NCAM2: variants seen among roughly 807,000 people sequenced by gnomAD.
NCAM2 encodes the protein neural cell adhesion molecule 2.
In NCAM2, 30 loss-of-function variants were observed where a neutral mutation model predicts 98.1. That is an observed-to-expected ratio of 0.31 (90% CI 0.23 to 0.41). The LOEUF (loss-of-function observed/expected upper bound fraction) is 0.41, where lower values mean the gene tolerates loss of function less well. Ranked by LOEUF, NCAM2 falls within the 10% of genes least tolerant of loss-of-function variation. The probability of loss-of-function intolerance (pLI) is 1.00; values close to 1 mark genes in which losing one functional copy is unlikely to be tolerated. For missense variants in NCAM2, 867 were observed against 1,005.8 expected, an observed-to-expected ratio of 0.86 and a Z score of 1.87; for synonymous variants, 368 against 342.4, an observed-to-expected ratio of 1.07 and a Z score of -0.83.
At chr21:21,193,007 A>T (rs930018368) in intron 1 of NCAM2, among the ~76,000 whole-genome samples, 33 of 152,212 alleles carry the variant, frequency 2.2e-4, no homozygotes, top group Non-Finnish European at 1.5e-5. Context: ...ATCATGGGCT[A>T]TATCCTTTTC....
intron 16 of NCAM2, among the ~76,000 whole-genome samples, chr21:21,519,884 T>A (rs1244113473): frequency 6.6e-6 from 1 of 152,124 alleles, no homozygotes; most frequent in Non-Finnish European, 1.5e-5. Flanking sequence ...CTTATGACTA[T>A]GATGATTTAT....
chr21:21,361,138 AAC>A (rs2075634059), intron 8 of NCAM2, among the ~76,000 whole-genome samples: 1 of 152,082 alleles, frequency 6.6e-6, no homozygotes, highest in Non-Finnish European at 1.5e-5. Context: ...CATCCACTCT[AAC>A]ATCAGTCCAG....
intron 1 of NCAM2, among the ~76,000 whole-genome samples, chr21:21,270,524 C>T (rs1878553697): frequency 6.6e-6 from 1 of 152,166 alleles, no homozygotes; most frequent in Admixed American, 6.5e-5. Context: ...TTTACTTTTA[C>T]TAATAAACTA....
chr21:21,170,838 G>T (rs979084309), intron 1 of NCAM2, among the ~76,000 whole-genome samples: 5 of 152,110 alleles, frequency 3.3e-5, no homozygotes, highest in African/African-American at 4.8e-5. Context: ...TCCTAGAGGG[G>T]GGAAGGCTGT....
At chr21:21,494,238 T>C (rs1273383735) in intron 15 of NCAM2, among the ~76,000 whole-genome samples, 1 of 151,924 alleles carries the variant, frequency 6.6e-6, no homozygotes, top group African/African-American at 2.4e-5. Context: ...CGAAAACAAA[T>C]TATAAAATAT....
At chr21:21,387,585 A>G (rs982716789) in intron 9 of NCAM2, among the ~76,000 whole-genome samples, 1 of 152,142 alleles carries the variant, frequency 6.6e-6, no homozygotes, top group Non-Finnish European at 1.5e-5. Context: ...CACTGTTCAT[A>G]TGGATCTAAT....
At chr21:21,082,225 T>TTAAAAAA (rs1555882202) in intron 1 of NCAM2, among the ~76,000 whole-genome samples, 10 of 82,910 alleles carry the variant, frequency 1.2e-4, no homozygotes, top group African/African-American at 4.4e-4. Context: ...GAGAATCCTT[T>TTAAAAAA]AAAAAAAAAA....
chr21:21,392,067 C>G (rs2076393568), intron 9 of NCAM2, among the ~76,000 whole-genome samples: 1 of 152,022 alleles, frequency 6.6e-6, no homozygotes, highest in Non-Finnish European at 1.5e-5. Context: ...AGCCTAGTAC[C>G]TATTAGTTAT....
chr21:21,164,764 A>G (rs2067898443), intron 1 of NCAM2, among the ~76,000 whole-genome samples: 1 of 152,166 alleles, frequency 6.6e-6, no homozygotes, highest in Non-Finnish European at 1.5e-5. Flanking sequence ...TTGAGTGATT[A>G]CTCTATGCCT....
chr21:21,303,852 T>A (rs775891988), intron 5 of NCAM2, among the ~76,000 whole-genome samples: 4 of 152,146 alleles, frequency 2.6e-5, no homozygotes, highest in Non-Finnish European at 4.4e-5. Flanking sequence ...TGGATTTAAT[T>A]TGCATTTCCC....
intron 16 of NCAM2, among the ~76,000 whole-genome samples, chr21:21,519,503 G>A (rs1246035583): frequency 6.6e-6 from 1 of 152,016 alleles, no homozygotes; most frequent in Non-Finnish European, 1.5e-5. Flanking sequence ...CCTTCATGAT[G>A]TTGTTTGGTT....
At chr21:21,313,383 G>C (rs1020056284) in intron 5 of NCAM2, among the ~76,000 whole-genome samples, 1 of 151,712 alleles carries the variant, frequency 6.6e-6, no homozygotes, top group Non-Finnish European at 1.5e-5. Flanking sequence ...ACTTTTTCAA[G>C]TTGAATGCAC....
chr21:20,999,215 A>G (rs1044927951), intron 1 of NCAM2, among the ~76,000 whole-genome samples: 3 of 152,058 alleles, frequency 2.0e-5, no homozygotes, highest in Admixed American at 6.5e-5. Context: ...AAAACTAGGG[A>G]TGTGTTGCAG....
At chr21:21,380,405 T>C (rs1416493209) in intron 9 of NCAM2, among the ~76,000 whole-genome samples, 2 of 152,218 alleles carry the variant, frequency 1.3e-5, no homozygotes, top group Non-Finnish European at 1.5e-5. Context: ...CTGTTGCTGC[T>C]GTAATCAATT....
At chr21:21,115,817 G>T (rs1423417914) in intron 1 of NCAM2, among the ~76,000 whole-genome samples, 1 of 152,172 alleles carries the variant, frequency 6.6e-6, no homozygotes, top group Non-Finnish European at 1.5e-5. Context: ...GTGTGTCTGT[G>T]TGTAGAATTT....
intron 16 of NCAM2, among the ~76,000 whole-genome samples, chr21:21,511,586 TAA>T (rs1446086377): frequency 5.7e-4 from 87 of 152,052 alleles, no homozygotes; most frequent in African/African-American, 2.0e-3. Flanking sequence ...TTGATTTTTT[TAA>T]AAATTTTTGA....
At chr21:21,310,954 C>A (rs1270006205) in intron 5 of NCAM2, among the ~76,000 whole-genome samples, 1 of 152,142 alleles carries the variant, frequency 6.6e-6, no homozygotes, top group East Asian at 1.9e-4. Flanking sequence ...CAGTTGAGAC[C>A]TACTTCTCAG....
At chr21:21,278,897 T>TA (rs1450308643) in intron 1 of NCAM2, among the ~76,000 whole-genome samples, 2 of 152,206 alleles carry the variant, frequency 1.3e-5, no homozygotes, top group Non-Finnish European at 2.9e-5. Context: ...ATTCTTAGTC[T>TA]AAAAATTATG....
chr21:21,445,636 A>C (rs1259051040), intron 12 of NCAM2, among the ~76,000 whole-genome samples: 1 of 150,982 alleles, frequency 6.6e-6, no homozygotes, highest in Non-Finnish European at 1.5e-5. Context: ...AGTGTGTTTC[A>C]TCAGAGACTA....
Sources: allele counts gnomAD v4.1 joint callset (sites outside exome capture counted in the v4.1 genomes callset), GRCh38; gene constraint gnomAD v4.1.1; transcripts MANE v1.5; gene names NCBI Gene and HGNC (gene_info 2026-07-23, HGNC 2026-07-21).